Variants in RBFOX3 observed in about 807,000 individuals in gnomAD.
The protein encoded by RBFOX3 is RNA binding protein fox-1 homolog 3.
A neutral mutation model predicts 48.7 loss-of-function variants in RBFOX3; 17 were observed. That is an observed-to-expected ratio of 0.35 (90% confidence interval 0.24 to 0.52). The LOEUF is 0.52. Among genes scored for constraint, RBFOX3 ranks in the 20% least tolerant of loss-of-function variants. The probability of loss-of-function intolerance (pLI) is 0.94; values close to 1 mark genes in which losing one functional copy is unlikely to be tolerated. For synonymous variants in RBFOX3, 212 were observed against 209.5 expected, an observed-to-expected ratio of 1.01 and a Z score of -0.10; for missense variants, 382 against 497.5, an observed-to-expected ratio of 0.77 and a Z score of 2.21.
chr17:79,206,053 T>C (rs572288196), intron 4 of RBFOX3, among the ~76,000 whole-genome samples: 1 of 152,170 alleles, frequency 6.6e-6, no homozygotes, highest in Admixed American at 6.5e-5. Context: ...AAGGAGCAAG[T>C]CCAGCTAATG....
At chr17:79,409,459 A>G (rs941731233) in intron 2 of RBFOX3, among the ~76,000 whole-genome samples, 4 of 152,230 alleles carry the variant, frequency 2.6e-5, no homozygotes, top group African/African-American at 7.2e-5. Flanking sequence ...TTTACATCCA[A>G]CAATGCACAA....
intron 1 of RBFOX3, among the ~76,000 whole-genome samples, chr17:79,548,135 G>A (rs937945148): frequency 6.6e-5 from 10 of 152,230 alleles, no homozygotes; most frequent in Non-Finnish European, 1.2e-4. Context: ...CGCCCAGTGC[G>A]GCACGGGCTG....
chr17:79,209,237 C>T (rs2058016560), intron 4 of RBFOX3, among the ~76,000 whole-genome samples: 2 of 152,214 alleles, frequency 1.3e-5, no homozygotes, highest in Admixed American at 6.5e-5. Flanking sequence ...TGTGATGTGC[C>T]CCCATCCCAG....
chr17:79,577,319 C>T (rs1197803550), intron 1 of RBFOX3, among the ~76,000 whole-genome samples: 10 of 152,138 alleles, frequency 6.6e-5, no homozygotes, highest in Non-Finnish European at 1.0e-4. Flanking sequence ...AGTCAGGCAC[C>T]ATGAACGGGG....
Position 79,361,086 on chromosome 17 carries a change from A to T in RBFOX3, c.-174-53262T>A, listed in dbSNP as rs911682176. On this transcript the variant is annotated intron_variant, in intron 2 of 14. Transcript: ENST00000693108. This position sits in a 1 kb window ranked among gnomAD's most constrained non-coding sequence, Gnocchi z 4.5. ...AGGAAGGGAAAGGAATAAATGGCCG[A>T]ACCCCTCCTAAGTCAAGAAAGACAC... Among the ~76,000 whole-genome samples, 2 of 152,162 alleles carry T rather than the reference A, an allele frequency of 1.3e-5. No individual in the cohort carries two copies. The highest frequency in any genetic ancestry group is 1.3e-4 in the Admixed American group (2 of 15,278).
chr17:79,194,458 T>C (rs1444084109), intron 4 of RBFOX3, among the ~76,000 whole-genome samples: 1 of 151,794 alleles, frequency 6.6e-6, no homozygotes, highest in Non-Finnish European at 1.5e-5. Context: ...AATACAAAAA[T>C]TAGCCAGGCA....
chr17:79,387,843 C>T (rs1220961828), intron 2 of RBFOX3, among the ~76,000 whole-genome samples: 3 of 152,222 alleles, frequency 2.0e-5, no homozygotes, highest in Admixed American at 6.5e-5. Context: ...ACCAGACTAA[C>T]GTGTGCATGG....
chr17:79,499,427 A>C (rs958691768), intron 1 of RBFOX3, among the ~76,000 whole-genome samples: 4 of 151,840 alleles, frequency 2.6e-5, no homozygotes, highest in Non-Finnish European at 5.9e-5. Context: ...CCTTCCATCC[A>C]TCTATATATT....
At chr17:79,567,234 A>C (rs1461572378) in intron 1 of RBFOX3, among the ~76,000 whole-genome samples, 4 of 125,154 alleles carry the variant, frequency 3.2e-5, no homozygotes, top group African/African-American at 1.3e-4. Context: ...CCCAGGCTGG[A>C]GTGCAGTGGT....
intron 1 of RBFOX3, among the ~76,000 whole-genome samples, chr17:79,532,694 G>A (rs2087993998): frequency 6.6e-6 from 1 of 152,246 alleles, no homozygotes; most frequent in Non-Finnish European, 1.5e-5. Context: ...GGGTGGAAAG[G>A]GGTTGTGGGG....
At chr17:79,183,894 C>G (rs1347995321) in intron 4 of RBFOX3, among the ~76,000 whole-genome samples, 1 of 152,140 alleles carries the variant, frequency 6.6e-6, no homozygotes. Context: ...ACGCTCGGGC[C>G]CCTGCGCGCC....
chr17:79,537,197 T>C (rs1169279733), intron 1 of RBFOX3, among the ~76,000 whole-genome samples: 1 of 151,970 alleles, frequency 6.6e-6, no homozygotes, highest in Non-Finnish European at 1.5e-5. Flanking sequence ...CTGGGAGGTT[T>C]GCGCTCCCTC....
intron 2 of RBFOX3, among the ~76,000 whole-genome samples, chr17:79,468,965 T>A (rs1050467066): frequency 7.4e-5 from 11 of 147,794 alleles, no homozygotes; most frequent in Admixed American, 4.0e-4. Flanking sequence ...GATGGATGGA[T>A]GGATGGATGG....
intron 4 of RBFOX3, among the ~76,000 whole-genome samples, chr17:79,184,763 C>T (rs1019627692): frequency 1.3e-5 from 2 of 152,266 alleles, no homozygotes; most frequent in African/African-American, 2.4e-5. Flanking sequence ...GACAGTGAGC[C>T]CTGAGCTGGA....
intron 1 of RBFOX3, among the ~76,000 whole-genome samples, chr17:79,569,749 G>A (rs1285928563): frequency 2.6e-5 from 4 of 152,246 alleles, no homozygotes; most frequent in African/African-American, 9.6e-5. Context: ...AGAGTGTTTG[G>A]ATGGATGGAA....
At chr17:79,497,591 A>C (rs1232762091) in intron 1 of RBFOX3, among the ~76,000 whole-genome samples, 21 of 152,362 alleles carry the variant, frequency 1.4e-4, no homozygotes, top group African/African-American at 5.0e-4. Context: ...TTTCCTCATC[A>C]GTTCTCTGGC....
At chr17:79,290,906 T>A (rs2073134443) in intron 3 of RBFOX3, among the ~76,000 whole-genome samples, 1 of 152,182 alleles carries the variant, frequency 6.6e-6, no homozygotes, top group South Asian at 2.1e-4. Flanking sequence ...GTGCTTGGAT[T>A]GGAATCTGCT....
At chr17:79,172,562 T>TG (rs1243435480) in intron 4 of RBFOX3, among the ~76,000 whole-genome samples, 1 of 152,160 alleles carries the variant, frequency 6.6e-6, no homozygotes, top group African/African-American at 2.4e-5. Context: ...GGAGGCGGCT[T>TG]GGGGAGCCGG....
At chr17:79,379,277 A>C (rs2059598441) in intron 2 of RBFOX3, among the ~76,000 whole-genome samples, 1 of 152,018 alleles carries the variant, frequency 6.6e-6, no homozygotes, top group African/African-American at 2.4e-5. Flanking sequence ...TTGTGGGGTC[A>C]CTGCCAGAAT....
Sources: gnomAD v4.1 joint callset for allele counts (sites outside exome capture counted in the v4.1 genomes callset) on GRCh38, gnomAD v4.1.1 for gene constraint, Gnocchi (gnomAD v3.1) non-coding constraint, MANE v1.5 for transcripts, NCBI Gene and HGNC (gene_info 2026-07-23, HGNC 2026-07-21) for gene names.